Variants in SPATA17 observed in about 807,000 individuals in gnomAD.
SPATA17 encodes spermatogenesis-associated protein 17.
In SPATA17, 53 loss-of-function variants were observed where a neutral mutation model predicts 62.2. The ratio of observed to expected loss-of-function variants is 0.85; its 90% CI spans 0.68 to 1.07. SPATA17 has a LOEUF of 1.07. SPATA17 is among the 50% of genes least tolerant of loss of function. The pLI, the probability that SPATA17 is intolerant of heterozygous loss-of-function variation, is 0.00. For synonymous variants in SPATA17, 146 were observed against 146.8 expected, an observed-to-expected ratio of 0.99 and a Z score of 0.04; for missense variants, 466 against 425.5, an observed-to-expected ratio of 1.10 and a Z score of -0.84.
chr1:217,772,713 ATTTAT>A (rs1673480170), intron 6 of SPATA17, among the ~76,000 whole-genome samples: 1 of 152,282 alleles, frequency 6.6e-6, no homozygotes, highest in South Asian at 2.1e-4. Context: ...TTTAACATTC[ATTTAT>A]TGAGTGCCTA....
intron 4 of SPATA17, among the ~76,000 whole-genome samples, chr1:217,680,971 G>C (rs867714189): frequency 7.7e-5 from 10 of 130,108 alleles, no homozygotes; most frequent in Admixed American, 3.2e-4. Context: ...GCTCACGCCT[G>C]TAATCCCAGC....
chr1:217,706,540 C>A (rs940305534), intron 5 of SPATA17, among the ~76,000 whole-genome samples: 1 of 152,164 alleles, frequency 6.6e-6, no homozygotes, highest in South Asian at 2.1e-4. Context: ...TGCTCTCACA[C>A]GTTCTTGCTC....
intron 5 of SPATA17, among the ~76,000 whole-genome samples, chr1:217,709,114 A>G (rs958670445): frequency 6.6e-6 from 1 of 152,186 alleles, no homozygotes; most frequent in African/African-American, 2.4e-5. Context: ...TCTCTTTCAG[A>G]TGTTCACCAT....
chr1:217,816,154 G>A (rs1674712238), intron 9 of SPATA17, among the ~76,000 whole-genome samples: 2 of 151,824 alleles, frequency 1.3e-5, no homozygotes, highest in South Asian at 4.2e-4. Context: ...TTAATATAGG[G>A]GGAATTGACT....
At chr1:217,847,707 T>C (rs1021511204) in intron 9 of SPATA17, among the ~76,000 whole-genome samples, 1 of 152,100 alleles carries the variant, frequency 6.6e-6, no homozygotes, top group African/African-American at 2.4e-5. Flanking sequence ...ACCACATATT[T>C]AGGTATTTAA....
At chr1:217,857,587 G>C (rs12410118) in intron 9 of SPATA17, among the ~76,000 whole-genome samples, 36,680 of 152,106 alleles carry the variant, frequency 0.24, 5,390 homozygotes, top group Admixed American at 0.35. Flanking sequence ...CTGTGCAAGT[G>C]TGCAGGTGGT....
At chr1:217,755,465 TAGTATTATGC>T in intron 6 of SPATA17, among the ~76,000 whole-genome samples, 1 of 152,046 alleles carries the variant, frequency 6.6e-6, no homozygotes, top group South Asian at 2.1e-4. Context: ...TCTCAGTAGC[TAGTATTATGC>T]TGAAAAACTT....
intron 6 of SPATA17, among the ~76,000 whole-genome samples, chr1:217,757,964 A>G (rs1356399520): frequency 1.3e-5 from 2 of 152,150 alleles, no homozygotes; most frequent in South Asian, 2.1e-4. Context: ...AGTAATCCTT[A>G]CAAGAATGAG....
intron 1 of SPATA17, among the ~76,000 whole-genome samples, chr1:217,635,247 C>T (rs1285712200): frequency 6.6e-6 from 1 of 152,180 alleles, no homozygotes; most frequent in Admixed American, 6.5e-5. Flanking sequence ...TAAGGATGCA[C>T]CCATGACACA....
At chr1:217,683,127 A>G (rs1671126831) in intron 4 of SPATA17, 131 bp from the exon 5 acceptor site, 1 of 495,784 alleles carries the variant, frequency 2.0e-6, no homozygotes, top group Non-Finnish European at 3.6e-6. Flanking sequence ...ATATGCTACA[A>G]TATTAGTGGA....
At chr1:217,847,571 G>A (rs1044135269) in intron 9 of SPATA17, among the ~76,000 whole-genome samples, 2 of 152,002 alleles carry the variant, frequency 1.3e-5, no homozygotes, top group Non-Finnish European at 2.9e-5. Context: ...AGAGGGGGTT[G>A]GTATTAAAGT....
chr1:217,837,463 G>T (rs550490025), intron 9 of SPATA17, among the ~76,000 whole-genome samples: 1 of 152,042 alleles, frequency 6.6e-6, no homozygotes, highest in Admixed American at 6.6e-5. Flanking sequence ...GTTAACAGCT[G>T]TTTACTAACA....
chr1:217,650,659 G>A (rs1670290509), intron 2 of SPATA17, among the ~76,000 whole-genome samples: 1 of 152,046 alleles, frequency 6.6e-6, no homozygotes, highest in Non-Finnish European at 1.5e-5. Flanking sequence ...CCTAAGCTCA[G>A]GTGATCCAAC....
At chr1:217,662,129 A>G (rs943965288) in intron 3 of SPATA17, among the ~76,000 whole-genome samples, 2 of 152,140 alleles carry the variant, frequency 1.3e-5, no homozygotes, top group Admixed American at 1.3e-4. Flanking sequence ...ACATTTTGTT[A>G]TATTTTTAAA....
chr1:217,759,458 T>TA (rs928187037), intron 6 of SPATA17, among the ~76,000 whole-genome samples: 31 of 147,524 alleles, frequency 2.1e-4, no homozygotes, highest in South Asian at 8.6e-4. Flanking sequence ...GACTATGCCT[T>TA]AAAAAAAAAA....
At chr1:217,682,059 C>T (rs1241543186) in intron 4 of SPATA17, among the ~76,000 whole-genome samples, 3 of 151,928 alleles carry the variant, frequency 2.0e-5, no homozygotes, top group South Asian at 2.1e-4. Context: ...GATATTTAAA[C>T]GGTTGGAAAA....
intron 8 of SPATA17, among the ~76,000 whole-genome samples, chr1:217,786,111 A>G (rs1673855401): frequency 6.6e-6 from 1 of 152,170 alleles, no homozygotes; most frequent in African/African-American, 2.4e-5. Context: ...AGATGTTTAC[A>G]TGTCAGGAAT....
intron 9 of SPATA17, chr1:217,850,344 A>T (rs371837751): frequency 7.0e-6 from 4 of 572,048 alleles, no homozygotes; most frequent in African/African-American, 3.8e-5. Flanking sequence ...GTGGGGGCAG[A>T]TGGCTATAGT....
intron 6 of SPATA17, among the ~76,000 whole-genome samples, chr1:217,750,704 T>C (rs1331706360): frequency 6.6e-6 from 1 of 152,170 alleles, no homozygotes; most frequent in African/African-American, 2.4e-5. Context: ...TCCCAGTAGT[T>C]TGTATGAATG....
Sources: gnomAD v4.1 joint callset for allele counts (sites outside exome capture counted in the v4.1 genomes callset) on GRCh38, gnomAD v4.1.1 for gene constraint, MANE v1.5 for transcripts, NCBI Gene and HGNC (gene_info 2026-07-23, HGNC 2026-07-21) for gene names.